The following UACA variants were observed in gnomAD, a reference collection of about 807,000 sequenced individuals.
UACA encodes uveal autoantigen with coiled-coil domains and ankyrin repeats, also known as nuclear membrane binding protein.
UACA carries 112 observed loss-of-function variants against 160.5 expected under a neutral mutation model. The observed-to-expected ratio is 0.70, with a 90% CI of 0.60 to 0.82. UACA has a LOEUF of 0.82. UACA is among the 40% of genes least tolerant of loss of function. UACA has a pLI of 0.00. For missense variants in UACA, 1,574 were observed against 1,614.6 expected, an observed-to-expected ratio of 0.97 and a Z score of 0.43; for synonymous variants, 557 against 568.4, an observed-to-expected ratio of 0.98 and a Z score of 0.29.
chr15:70,735,461 T>C (rs1025133661), intron 1 of UACA, among the ~76,000 whole-genome samples: 1 of 151,962 alleles, frequency 6.6e-6, no homozygotes, highest in African/African-American at 2.4e-5. Context: ...CCCTTAAATA[T>C]AGGAAACTAT....
intron 5 of UACA, among the ~76,000 whole-genome samples, chr15:70,689,270 A>AT (rs1175365609): frequency 6.6e-6 from 1 of 152,138 alleles, no homozygotes; most frequent in African/African-American, 2.4e-5. Context: ...TCACTCAACA[A>AT]TTTTTTTAAT....
chr15:70,703,342 T>C (rs1434650920), intron 1 of UACA: 2 of 1,183,174 alleles, frequency 1.7e-6, no homozygotes, highest in East Asian at 5.8e-5. Flanking sequence ...TTATAGATCA[T>C]GCTGCCAGTT....
At chr15:70,709,541 TA>T (rs1285324008) in intron 1 of UACA, among the ~76,000 whole-genome samples, 3 of 152,186 alleles carry the variant, frequency 2.0e-5, no homozygotes, top group Non-Finnish European at 2.9e-5. Flanking sequence ...GTAGAAAGCC[TA>T]GAATACATTT....
At chr15:70,712,009 C>A (rs927532198) in intron 1 of UACA, among the ~76,000 whole-genome samples, 2 of 149,498 alleles carry the variant, frequency 1.3e-5, no homozygotes, top group African/African-American at 5.0e-5. Context: ...ATGCAAATGA[C>A]TCAGAAACAC....
Position 70,666,898 on chromosome 15 carries a change from C to CA in UACA, c.3785dup (p.Leu1262PhefsTer13). On this transcript the variant is annotated frameshift_variant, in exon 16 of 19. Coordinates refer to ENST00000322954, the MANE Select transcript of UACA (RefSeq NM_018003.4). LOFTEE classifies it high-confidence loss of function. The stretch of plus-strand genomic sequence containing the variant: ...CAGATATTTCCTTCTTTTTGGCATG[C>CA]AAAACTTCCTCACATACTTCCTCAT... The CA allele has an allele frequency of 6.2e-7, 1 of 1,613,598 alleles. No homozygotes were observed. Among genetic ancestry groups the CA allele is most frequent in the Non-Finnish European group, 8.5e-7 (1 of 1,179,898 alleles).
chr15:70,660,265 C>A, intron 17 of UACA, 49 bp from the exon 18 acceptor site: 1 of 1,520,478 alleles, frequency 6.6e-7, no homozygotes, highest in South Asian at 1.1e-5. Context: ...GTTCACATTT[C>A]CAAACTTTGG....
chr15:70,703,951 C>T (rs549853557), intron 1 of UACA, among the ~76,000 whole-genome samples: 106 of 152,270 alleles, frequency 7.0e-4, no homozygotes, highest in African/African-American at 2.5e-3. Context: ...ATCTAAACGG[C>T]CCCGTGTCCC....
chr15:70,745,589 T>C (rs772725941), intron 1 of UACA, among the ~76,000 whole-genome samples: 8 of 152,178 alleles, frequency 5.3e-5, no homozygotes, highest in Non-Finnish European at 7.4e-5. Flanking sequence ...ACTGACTTTC[T>C]TCATAGAATT....
At position 70,684,393 on chromosome 15, in the gene UACA, A is replaced by T. The variant is rs758567740; in HGVS notation, c.656T>A (p.Leu219Ter). The part of the protein sequence containing the change: ...EYGCRDAVEV[L>*]IKNGADISLL... ...GCTTATATCAGCACCATTTTTAATT[A>T]AGACTTCTACTGCATCTCTGCAACC... The change falls in exon 8 of 19, where the codon TTA (leucine) becomes TAA (stop). Residue 219 changes from leucine to a stop codon, truncating the protein, a stop_gained. Coordinates refer to ENST00000322954, the MANE Select transcript of UACA (RefSeq NM_018003.4). LOFTEE classifies it high-confidence loss of function. 1 of 1,613,816 alleles carries T rather than the reference A, an allele frequency of 6.2e-7. No homozygotes were observed. Among genetic ancestry groups the T allele is most frequent in the Admixed American group, 1.7e-5 (1 of 59,992 alleles).
rs146302949 is a variant in UACA at position 70,738,218 on chromosome 15, C to T, written c.78+25112G>A. Among the ~76,000 whole-genome samples, 109 of 151,738 alleles carry T rather than the reference C, an allele frequency of 7.2e-4. 1 individual carries two copies. Among genetic ancestry groups the T allele is most frequent in the Middle Eastern group, 3.4e-3 (1 of 294 alleles). On this transcript the variant is annotated intron_variant, in intron 1 of 18. Coordinates refer to ENST00000322954, the MANE Select transcript of UACA (RefSeq NM_018003.4). Reference sequence around the variant, plus strand: ...GAATTACAATCACTTATTTTTCTTCCGGTTTCTGCATCCTGGACTATTATA... The same window carrying T: ...GAATTACAATCACTTATTTTTCTTCTGGTTTCTGCATCCTGGACTATTATA...
Position 70,722,174 on chromosome 15 carries a change from C to T in UACA, c.79-22514G>A, listed in dbSNP as rs142064735. The stretch of plus-strand genomic sequence containing the variant: ...TTTAAACACTTTATAAACCCCTTAA[C>T]GGCCTTCAAACTCCTTATATTTACT... On this transcript the variant is annotated intron_variant, in intron 1 of 18. Coordinates refer to ENST00000322954, the MANE Select transcript of UACA (RefSeq NM_018003.4). 7.4e-4 allele frequency among the ~76,000 whole-genome samples: 113 copies of T among 152,180 alleles called. 1 individual carries two copies. In the East Asian group the frequency reaches 0.019, roughly 26 times the overall value.
chr15:70,664,880 A>AT, intron 16 of UACA, 66 bp from the exon 17 acceptor site: 2 of 1,419,478 alleles, frequency 1.4e-6, no homozygotes, highest in Non-Finnish European at 1.9e-6. Flanking sequence ...ATCTTTGTAC[A>AT]GAAATCATTC....
intron 7 of UACA, among the ~76,000 whole-genome samples, chr15:70,686,704 T>C (rs1897737361): frequency 6.6e-6 from 1 of 151,992 alleles, no homozygotes; most frequent in African/African-American, 2.4e-5. Flanking sequence ...CTTTTATACT[T>C]CTAATAAACT....
chr15:70,765,524 T>C (rs1241720114), upstream of UACA, among the ~76,000 whole-genome samples: 1 of 152,254 alleles, frequency 6.6e-6, no homozygotes, highest in Non-Finnish European at 1.5e-5. Context: ...ACCTCTCATA[T>C]GATACTAACA....
At chr15:70,743,094 G>A (rs1899588372) in intron 1 of UACA, among the ~76,000 whole-genome samples, 1 of 152,112 alleles carries the variant, frequency 6.6e-6, no homozygotes, top group Admixed American at 6.6e-5. Context: ...TTTCTGATGG[G>A]TTGTTAACCA....
intron 5 of UACA, among the ~76,000 whole-genome samples, chr15:70,689,271 T>C (rs934804629): frequency 7.2e-5 from 11 of 152,118 alleles, no homozygotes; most frequent in Admixed American, 6.5e-4. Context: ...CACTCAACAA[T>C]TTTTTTAATA....
intron 1 of UACA, among the ~76,000 whole-genome samples, chr15:70,753,190 A>G (rs566307049): frequency 6.6e-6 from 1 of 152,362 alleles, no homozygotes; most frequent in South Asian, 2.1e-4. Context: ...GTCAAAGAAA[A>G]TGAACAATTC....
chr15:70,670,613 G>A (rs1401155767), intron 15 of UACA, among the ~76,000 whole-genome samples: 1 of 151,848 alleles, frequency 6.6e-6, no homozygotes, highest in Non-Finnish European at 1.5e-5. Context: ...GATAGAGCTT[G>A]CTGCAGACCC....
intron 2 of UACA, among the ~76,000 whole-genome samples, 186 bp downstream of exon 2, chr15:70,699,341 T>C (rs908817943): frequency 1.3e-5 from 2 of 152,122 alleles, no homozygotes; most frequent in Admixed American, 6.6e-5. Flanking sequence ...ATTCTAGTGT[T>C]CCCTCTCTAG....
Sources: allele counts gnomAD v4.1 joint callset (sites outside exome capture counted in the v4.1 genomes callset), GRCh38; gene constraint gnomAD v4.1.1; transcripts MANE v1.5; gene names NCBI Gene and HGNC (gene_info 2026-07-23, HGNC 2026-07-21).